PITPNC1: variants seen among roughly 807,000 people sequenced by gnomAD.
PITPNC1 encodes the protein phosphatidylinositol transfer protein cytoplasmic 1, also known as cytoplasmic phosphatidylinositol transfer protein 1.
PITPNC1 carries 18 observed loss-of-function variants against 44.7 expected under a neutral mutation model. The ratio of observed to expected loss-of-function variants is 0.40; its 90% CI spans 0.28 to 0.60. The LOEUF is 0.60. Ranked by LOEUF, PITPNC1 falls within the 20% of genes least tolerant of loss-of-function variation. The pLI, the probability that PITPNC1 is intolerant of heterozygous loss-of-function variation, is 0.39. For missense variants in PITPNC1, 290 were observed against 418.4 expected, an observed-to-expected ratio of 0.69 and a Z score of 2.68; for synonymous variants, 141 against 149.6, an observed-to-expected ratio of 0.94 and a Z score of 0.42.
In PITPNC1 at chr17:67,508,894, G is replaced by A. The variant is rs2040141399; in HGVS notation, c.49-23908G>A. ...TGCACCAAACTGAATACTTAAAAAT[G>A]GTTAAAATGGTAAATTTCATGTTAT... On this transcript the variant is annotated intron_variant, in intron 1 of 8. Coordinates refer to ENST00000581322, the MANE Select transcript of PITPNC1 (RefSeq NM_012417.4). This position sits in a 1 kb window ranked among gnomAD's most constrained non-coding sequence, Gnocchi z 4.2. Among the ~76,000 whole-genome samples the A allele has an allele frequency of 6.6e-6, 1 of 152,200 alleles. No homozygotes were observed. The highest frequency in any genetic ancestry group is 1.5e-5 in the Non-Finnish European group (1 of 68,012).
rs1336143080 is a variant in PITPNC1, at chr17:67,440,469, A to G, written c.48+62267A>G. Among the ~76,000 whole-genome samples the G allele has an allele frequency of 4.6e-5, 7 of 151,968 alleles. No individual in the cohort carries two copies. In the South Asian group the frequency reaches 1.2e-3, roughly 27 times the overall value. The stretch of plus-strand genomic sequence containing the variant: ...CTCAACCTCTGTAACTTCCTTTTGA[A>G]AAATGGAGATGTTTTCTCTTGCAAG... On this transcript the variant is annotated intron_variant, in intron 1 of 8. Transcript: ENST00000581322.
intron 1 of PITPNC1, among the ~76,000 whole-genome samples, chr17:67,434,636 C>A (rs1395172142): frequency 6.6e-6 from 1 of 151,720 alleles, no homozygotes; most frequent in Non-Finnish European, 1.5e-5. Context: ...CATGGCAAAA[C>A]CCCGTCTGTA....
In PITPNC1 at chr17:67,619,491, G is replaced by A. The variant is rs1241053872; in HGVS notation, c.367-12652G>A. ...CTTGGCCCCCCAAGGACCCCCACAG[G>A]CATTCTCACTCTACTGCCAATCACT... is the stretch of plus-strand genomic sequence containing the variant. On this transcript the variant is annotated intron_variant, in intron 5 of 8. Coordinates refer to ENST00000581322, the MANE Select transcript of PITPNC1 (RefSeq NM_012417.4). Among the ~76,000 whole-genome samples the A allele has an allele frequency of 3.3e-5, 5 of 152,052 alleles. No individual in the cohort carries two copies. In the East Asian group the frequency reaches 7.7e-4, roughly 23 times the overall value.
intron 1 of PITPNC1, among the ~76,000 whole-genome samples, chr17:67,410,975 C>T (rs1187553430): frequency 2.0e-5 from 3 of 150,916 alleles, no homozygotes; most frequent in Non-Finnish European, 4.4e-5. Context: ...CCCAGCTACT[C>T]GGGAGGCTGA....
At chr17:67,558,108 C>T (rs1266087122) in intron 4 of PITPNC1, among the ~76,000 whole-genome samples, 1 of 152,156 alleles carries the variant, frequency 6.6e-6, no homozygotes, top group Non-Finnish European at 1.5e-5. Context: ...ATGCTGCCCT[C>T]ATTCGTGACA....
At chr17:67,595,564 C>T (rs964942946) in intron 5 of PITPNC1, among the ~76,000 whole-genome samples, 2 of 151,908 alleles carry the variant, frequency 1.3e-5, no homozygotes, top group Non-Finnish European at 2.9e-5. Context: ...CCTTTTGATG[C>T]GCTGAAATCA....
At chr17:67,389,251 C>T (rs1254107658) in intron 1 of PITPNC1, among the ~76,000 whole-genome samples, 1 of 152,272 alleles carries the variant, frequency 6.6e-6, no homozygotes, top group Non-Finnish European at 1.5e-5. Flanking sequence ...GCTTCTACTG[C>T]AACTTCAGAT....
In PITPNC1 at chr17:67,529,727, A is replaced by C. The variant is rs148069045; in HGVS notation, c.49-3075A>C. Among the ~76,000 whole-genome samples, 302 of 152,234 alleles carry C rather than the reference A, an allele frequency of 2.0e-3. 1 individual carries two copies. Among genetic ancestry groups the C allele is most frequent in the African/African-American group, 7.1e-3 (296 of 41,548 alleles). Reference sequence around the variant, plus strand: ...TTTGGGAGGCTGAGGTGGGTGGATCATTTGAGGTCAGGAGTTCAAGACCAG... The same window carrying C: ...TTTGGGAGGCTGAGGTGGGTGGATCCTTTGAGGTCAGGAGTTCAAGACCAG... On this transcript the variant is annotated intron_variant, in intron 1 of 8. Transcript: ENST00000581322.
chr17:67,522,345 A>G (rs578134545), intron 1 of PITPNC1, among the ~76,000 whole-genome samples: 176 of 152,004 alleles, frequency 1.2e-3, no homozygotes, highest in African/African-American at 3.5e-3. Flanking sequence ...AGGGCACGGC[A>G]AACAAAGAAC....
intron 6 of PITPNC1, among the ~76,000 whole-genome samples, chr17:67,633,634 A>T (rs2041996863): frequency 6.6e-6 from 1 of 152,252 alleles, no homozygotes; most frequent in Non-Finnish European, 1.5e-5. Flanking sequence ...AACGCTCCCT[A>T]CGTAACTGTG....
chr17:67,647,632 A>G (rs919063473), intron 6 of PITPNC1, among the ~76,000 whole-genome samples: 8 of 144,964 alleles, frequency 5.5e-5, no homozygotes, highest in Non-Finnish European at 7.6e-5. Flanking sequence ...TTTTAAAAAG[A>G]AAAAAAAAAG....
intron 1 of PITPNC1, among the ~76,000 whole-genome samples, chr17:67,530,616 C>T (rs1444070297): frequency 1.3e-5 from 2 of 152,130 alleles, no homozygotes; most frequent in Admixed American, 6.5e-5. Flanking sequence ...ATGTATTTTG[C>T]GGGGACACAA....
At chr17:67,581,566 C>G (rs2041234322) in intron 5 of PITPNC1, among the ~76,000 whole-genome samples, 1 of 152,212 alleles carries the variant, frequency 6.6e-6, no homozygotes, top group Non-Finnish European at 1.5e-5. Context: ...CCCTGCCCCC[C>G]AGGCTCTGCT....
intron 1 of PITPNC1, among the ~76,000 whole-genome samples, chr17:67,421,336 G>A (rs1435678688): frequency 6.6e-6 from 1 of 152,138 alleles, no homozygotes; most frequent in Non-Finnish European, 1.5e-5. Flanking sequence ...AGGCTGGAGT[G>A]CAATGGTGTG....
intron 1 of PITPNC1, among the ~76,000 whole-genome samples, chr17:67,464,686 G>A (rs73342148): frequency 0.015 from 2,285 of 151,666 alleles, 46 homozygotes; most frequent in African/African-American, 0.045. Context: ...AAAGCACAGC[G>A]TTATGAATTT....
chr17:67,497,375 A>T (rs2039967395), intron 1 of PITPNC1, among the ~76,000 whole-genome samples: 1 of 151,930 alleles, frequency 6.6e-6, no homozygotes, highest in Non-Finnish European at 1.5e-5. Flanking sequence ...CACCCTGTGC[A>T]GGCACACTTA....
At chr17:67,546,825 G>C (rs1051643729) in intron 2 of PITPNC1, among the ~76,000 whole-genome samples, 2 of 152,270 alleles carry the variant, frequency 1.3e-5, no homozygotes, top group South Asian at 4.1e-4. Context: ...CTCTGGTCCC[G>C]AAACTGCTCA....
intron 1 of PITPNC1, among the ~76,000 whole-genome samples, chr17:67,487,721 C>T (rs1011509443): frequency 5.9e-5 from 9 of 152,112 alleles, no homozygotes; most frequent in Admixed American, 3.9e-4. Context: ...TCAGGACAGG[C>T]TTTCTAGGCC....
At chr17:67,601,741 C>G (rs1314540082) in intron 5 of PITPNC1, among the ~76,000 whole-genome samples, 1 of 151,898 alleles carries the variant, frequency 6.6e-6, no homozygotes, top group Non-Finnish European at 1.5e-5. Context: ...GGTGACAGAG[C>G]AAGACCCTGT....
Sources: allele counts gnomAD v4.1 joint callset (sites outside exome capture counted in the v4.1 genomes callset), GRCh38; gene constraint gnomAD v4.1.1; non-coding constraint Gnocchi (gnomAD v3.1); transcripts MANE v1.5; gene names NCBI Gene and HGNC (gene_info 2026-07-23, HGNC 2026-07-21).